BLTP3A: variants seen among roughly 807,000 people sequenced by gnomAD.
BLTP3A encodes bridge-like lipid transfer protein family member 3A.
the BLTP3A span, among the ~76,000 whole-genome samples, chr6:34,833,920 CAAAAAAAAAAAAAAAA>C: frequency 4.4e-5 from 2 of 45,082 alleles, no homozygotes; most frequent in African/African-American, 1.5e-4. Flanking sequence ...GACTCCGTCT[CAAAAAAAAAAAAAAAA>C]AAAAAAAAAA....
At chr6:34,870,620 A>G in the BLTP3A span, among the ~76,000 whole-genome samples, 3 of 152,322 alleles carry the variant, frequency 2.0e-5, no homozygotes, top group Admixed American at 1.3e-4. Flanking sequence ...GCAAGGCATT[A>G]TAGCAAAGTA....
At chr6:34,814,953 TTAG>T in the BLTP3A span, among the ~76,000 whole-genome samples, 1 of 152,276 alleles carries the variant, frequency 6.6e-6, no homozygotes, top group East Asian at 1.9e-4. Context: ...TATTAAAATG[TTAG>T]TAGAAGTAAA....
the BLTP3A span, among the ~76,000 whole-genome samples, chr6:34,795,973 C>T: frequency 2.0e-5 from 3 of 152,264 alleles, no homozygotes; most frequent in South Asian, 6.2e-4. Flanking sequence ...CTTGGAAAAG[C>T]TGCCTAATCA....
the BLTP3A span, chr6:34,857,392 C>T: frequency 6.2e-7 from 1 of 1,614,192 alleles, no homozygotes; most frequent in Non-Finnish European, 8.5e-7. Flanking sequence ...TCGGAAACTT[C>T]ACAACCTCCC....
the BLTP3A span, chr6:34,821,857 T>C: frequency 6.2e-7 from 1 of 1,614,000 alleles, no homozygotes; most frequent in Non-Finnish European, 8.5e-7. Context: ...CTTTGGCCAG[T>C]AGGCCTGCTT....
chr6:34,792,369 G>C, the BLTP3A span: 1 of 1,383,004 alleles, frequency 7.2e-7, no homozygotes, highest in Non-Finnish European at 9.6e-7. Context: ...CTGACGCCGC[G>C]CTCCGGGCCC....
At chr6:34,835,525 A>G in the BLTP3A span, 4 of 1,528,690 alleles carry the variant, frequency 2.6e-6, no homozygotes, top group Middle Eastern at 4.2e-4. Context: ...GACCTAACTC[A>G]TACTAATGTA....
At chr6:34,877,173 C>T in the BLTP3A span, 2 of 152,712 alleles carry the variant, frequency 1.3e-5, no homozygotes, top group South Asian at 4.1e-4. Context: ...AATTCTGTTT[C>T]CCCCACTGAG....
At chr6:34,797,291 A>G in the BLTP3A span, among the ~76,000 whole-genome samples, 1 of 152,210 alleles carries the variant, frequency 6.6e-6, no homozygotes. Flanking sequence ...GCTGATAGAC[A>G]TGATAGATAT....
the BLTP3A span, chr6:34,870,721 CTG>C: frequency 8.0e-7 from 1 of 1,253,848 alleles, no homozygotes; most frequent in East Asian, 2.4e-5. Flanking sequence ...AAGTTATTCT[CTG>C]TGACTTCGTT....
the BLTP3A span, among the ~76,000 whole-genome samples, chr6:34,866,587 A>C: frequency 6.6e-6 from 1 of 152,190 alleles, no homozygotes; most frequent in Non-Finnish European, 1.5e-5. Context: ...GGTAAAATAC[A>C]TATGAAATTT....
the BLTP3A span, among the ~76,000 whole-genome samples, chr6:34,827,289 GAC>G: frequency 6.6e-6 from 1 of 151,242 alleles, no homozygotes; most frequent in East Asian, 1.9e-4. Flanking sequence ...CCAGCCTGGT[GAC>G]AGAGTGAGAC....
the BLTP3A span, among the ~76,000 whole-genome samples, chr6:34,807,392 TG>T: frequency 6.6e-6 from 1 of 152,114 alleles, no homozygotes; most frequent in Non-Finnish European, 1.5e-5. Flanking sequence ...TGATTACAGG[TG>T]TGAGCCACTG....
the BLTP3A span, chr6:34,864,033 G>A: frequency 6.2e-7 from 1 of 1,612,178 alleles, no homozygotes; most frequent in Non-Finnish European, 8.5e-7. Flanking sequence ...TGAGGGGGTG[G>A]CAGCCCCAGT....
At chr6:34,844,003 T>C in the BLTP3A span, among the ~76,000 whole-genome samples, 2 of 152,206 alleles carry the variant, frequency 1.3e-5, no homozygotes, top group South Asian at 2.1e-4. Flanking sequence ...TGTTTTGAGA[T>C]GGAGTCTCAC....
At chr6:34,792,648 C>A in the BLTP3A span, among the ~76,000 whole-genome samples, 5 of 152,176 alleles carry the variant, frequency 3.3e-5, no homozygotes, top group African/African-American at 9.7e-5. Context: ...CTCCCTTGAC[C>A]GTCTTTCCGA....
the BLTP3A span, chr6:34,792,206 A>G: frequency 3.3e-6 from 5 of 1,527,560 alleles, no homozygotes; most frequent in Non-Finnish European, 4.4e-6. Context: ...TGAGGAGGCC[A>G]CAGCTGCCGG....
the BLTP3A span, among the ~76,000 whole-genome samples, chr6:34,833,340 G>T: frequency 6.6e-6 from 1 of 151,934 alleles, no homozygotes; most frequent in Non-Finnish European, 1.5e-5. Context: ...GACTGATTTT[G>T]AACCTCTTAT....
the BLTP3A span, chr6:34,834,178 C>T: frequency 1.3e-6 from 2 of 1,593,800 alleles, no homozygotes; most frequent in African/African-American, 2.7e-5. Flanking sequence ...CAGAAAGTCT[C>T]CCATAATTCT....
Sources: allele counts gnomAD v4.1 joint callset (sites outside exome capture counted in the v4.1 genomes callset), GRCh38; gene constraint gnomAD v4.1.1; transcripts MANE v1.5; gene names NCBI Gene and HGNC (gene_info 2026-07-23, HGNC 2026-07-21).